CCNB3: variants seen among roughly 807,000 people sequenced by gnomAD.
CCNB3 encodes cyclin B3.
A neutral mutation model predicts 68.0 loss-of-function variants in CCNB3; 12 were observed. The ratio of observed to expected loss-of-function variants is 0.18; its 90% CI spans 0.11 to 0.29. The LOEUF is 0.29. Ranked by LOEUF, CCNB3 falls within the 10% of genes least tolerant of loss-of-function variation. CCNB3 has a pLI of 1.00. For synonymous variants in CCNB3, 354 were observed against 388.9 expected (o/e 0.91, Z 1.06); for missense variants, 904 against 993.1 (o/e 0.91, Z 1.21).
intron 8 of CCNB3, among the ~76,000 whole-genome samples, chrX:50,320,915 T>C (rs58075832): frequency 0.11 from 12,803 of 111,371 alleles, 1,788 homozygotes; most frequent in African/African-American, 0.4. Flanking sequence ...GTCAAACTGA[T>C]GTATTTCTAT....
At chrX:50,314,678 T>G (rs782723775) in intron 8 of CCNB3, among the ~76,000 whole-genome samples, 2 of 111,876 alleles carry the variant, frequency 1.8e-5, no homozygotes, top group East Asian at 5.6e-4. Flanking sequence ...ACACAGTATA[T>G]CTGAGCATCA....
intron 1 of CCNB3, among the ~76,000 whole-genome samples, chrX:50,279,502 T>G (rs1207154052): frequency 3.6e-5 from 3 of 83,434 alleles, no homozygotes; most frequent in Non-Finnish European, 6.5e-5. Flanking sequence ...TAAATATATA[T>G]GAATGTATTT....
In CCNB3 at chrX:50,347,720, A is replaced by G. The variant is rs782089526; in HGVS notation, c.3905A>G (p.Lys1302Arg). The part of the protein sequence containing the change: ...EYHYVQEKAS[K>R]LAAASLLLAL... ...CACTATGTCCAGGAGAAGGCTTCCA[A>G]GCTAGCTGCTGCCTCCTTACTCCTG... Residue 1302 changes from lysine (K) to arginine (R), a missense_variant, in exon 11 of 13, where the codon AAG (lysine) becomes AGG (arginine). Lys to Arg is a conservative substitution (Grantham distance 26). Coordinates refer to ENST00000376042, the MANE Select transcript of CCNB3 (RefSeq NM_033031.3). 5.8e-6 allele frequency: 7 copies of G among 1,208,680 alleles called. No individual in the cohort carries two copies. Among genetic ancestry groups the G allele is most frequent in the Non-Finnish European group, 7.8e-6 (7 of 894,949 alleles).
chrX:50,285,263 A>G lies in CCNB3; in HGVS notation c.96+4A>G. On this transcript the variant is annotated splice_donor_region_variant and intron_variant, in intron 3 of 12. Coordinates refer to ENST00000376042, the MANE Select transcript of CCNB3 (RefSeq NM_033031.3). ...TCATCATGACCCATCTGAAAAGGTT[A>G]GAGCAAGCTGTCTTTCCCAACAATA... 2 of 1,182,123 alleles carry G rather than the reference A, an allele frequency of 1.7e-6. No individual in the cohort carries two copies. Among genetic ancestry groups the G allele is most frequent in the Non-Finnish European group, 1.2e-6 (1 of 868,707 alleles).
At chrX:50,322,071 AAAG>A (rs1207858332) in intron 8 of CCNB3, among the ~76,000 whole-genome samples, 2 of 80,380 alleles carry the variant, frequency 2.5e-5, no homozygotes, top group Admixed American at 1.6e-4. Flanking sequence ...TATGAACTTT[AAAG>A]AAGTTCATAT....
chrX:50,203,481 A>T (rs955388234), upstream of CCNB3, among the ~76,000 whole-genome samples: 3 of 112,207 alleles, frequency 2.7e-5, no homozygotes, highest in African/African-American at 9.7e-5. Context: ...CTGTGGACCA[A>T]TATAATTGGG....
chrX:50,291,912 CT>C (rs1304231937), intron 4 of CCNB3, among the ~76,000 whole-genome samples: 2 of 111,284 alleles, frequency 1.8e-5, no homozygotes, highest in South Asian at 3.8e-4. Flanking sequence ...CAAAGACATA[CT>C]TTTTTTTCTA....
At chrX:50,297,891 C>T (rs62276795) in intron 5 of CCNB3, among the ~76,000 whole-genome samples, 6,673 of 111,142 alleles carry the variant, frequency 0.06, 238 homozygotes, top group Non-Finnish European at 0.093. Flanking sequence ...CTCTTTGAAG[C>T]AATTGTGAAT....
At chrX:50,284,265 T>C in intron 1 of CCNB3, among the ~76,000 whole-genome samples, 1 of 111,468 alleles carries the variant, frequency 9.0e-6, no homozygotes, top group Admixed American at 9.6e-5. Flanking sequence ...TCTGCATAAT[T>C]GGTAAAGTAT....
chrX:50,286,831 A>T (rs1186324338), intron 3 of CCNB3, among the ~76,000 whole-genome samples: 1 of 107,210 alleles, frequency 9.3e-6, no homozygotes, highest in Non-Finnish European at 1.9e-5. Context: ...TGTATTTTTG[A>T]TAGAGACGGG....
At chrX:50,338,155 G>A (rs1922948328) in intron 8 of CCNB3, among the ~76,000 whole-genome samples, 1 of 112,055 alleles carries the variant, frequency 8.9e-6, no homozygotes. Flanking sequence ...CAAGCTGGCT[G>A]GAGTCCCCCA....
chrX:50,332,677 T>C (rs1251662882), intron 8 of CCNB3, among the ~76,000 whole-genome samples: 2 of 111,192 alleles, frequency 1.8e-5, no homozygotes, highest in Non-Finnish European at 3.8e-5. Context: ...GGATTCCTTC[T>C]ACCTTTACAG....
At chrX:50,329,758 A>T (rs1444020784) in intron 8 of CCNB3, among the ~76,000 whole-genome samples, 1 of 112,375 alleles carries the variant, frequency 8.9e-6, no homozygotes, top group Non-Finnish European at 1.9e-5. Context: ...CCCTGAAAAC[A>T]GTATTTTCTT....
intron 4 of CCNB3, among the ~76,000 whole-genome samples, chrX:50,292,786 A>G (rs1225283321): frequency 9.0e-6 from 1 of 110,937 alleles, no homozygotes; most frequent in African/African-American, 3.3e-5. Flanking sequence ...CAATCTCACT[A>G]ACGTGTCCTT....
chrX:50,295,825 C>T (rs1342259392), intron 5 of CCNB3, among the ~76,000 whole-genome samples: 1 of 111,340 alleles, frequency 9.0e-6, no homozygotes, highest in Non-Finnish European at 1.9e-5. Context: ...TTGTTTGATG[C>T]TAGCTTCCAC....
At chrX:50,341,827 A>G (rs781826383) in intron 8 of CCNB3, 15 of 149,063 alleles carry the variant, frequency 1.0e-4, no homozygotes, top group East Asian at 6.3e-4. Context: ...CATATTTCAG[A>G]GCTAAATAAA....
intron 1 of CCNB3, among the ~76,000 whole-genome samples, chrX:50,211,681 G>C (rs1935485457): frequency 9.0e-6 from 1 of 111,373 alleles, no homozygotes; most frequent in African/African-American, 3.3e-5. Context: ...CTCAAGTCAG[G>C]ATGATGAATC....
At position 50,285,486 on chromosome X, in the gene CCNB3, A is replaced by T. The variant is rs760130427; in HGVS notation, c.96+227A>T. Among the ~76,000 whole-genome samples, 6 of 111,378 alleles carry T rather than the reference A, an allele frequency of 5.4e-5. No homozygotes were observed. The South Asian group carries it at 1.5e-3, about 29-fold the overall frequency. On this transcript the variant is annotated intron_variant, in intron 3 of 12. Transcript: ENST00000376042. ...AGGGCTCAAATGAAGGCCACCCTCC[A>T]TAACCCTCAAAACTGAACAACACTC...
In CCNB3 at chrX:50,311,381, C is replaced by T. The variant is rs1921444225; in HGVS notation, c.3212C>T (p.Ser1071Phe). ...STTPESITEKSSIATMTSVGK... is the reference protein window; with the variant it reads ...STTPESITEKFSIATMTSVGK... ...ACCCCTGAATCCATAACAGAGAAGT[C>T]CAGCATTGCAACCATGACCAGCGTG... The change falls in exon 6 of 13, where the codon TCC becomes TTC. Residue 1071 changes from serine (S) to phenylalanine (F), a missense_variant. By Grantham distance (155) the Ser-to-Phe change is radical (BLOSUM62 -2). This residue lies in a region of CCNB3 where 285 missense variants were observed against 383.4 expected (regional missense o/e 0.74). Transcript: ENST00000376042. 8.3e-7 allele frequency: 1 copy of T among 1,208,662 alleles called. No individual in the cohort carries two copies. Among genetic ancestry groups the T allele is most frequent in the Admixed American group, 2.2e-5 (1 of 45,656 alleles).
Sources: gnomAD v4.1 joint callset for allele counts (sites outside exome capture counted in the v4.1 genomes callset) on GRCh38, gnomAD v4.1.1 for gene constraint, gnomAD v4.1.1 regional missense constraint, MANE v1.5 for transcripts, NCBI Gene and HGNC (gene_info 2026-07-23, HGNC 2026-07-21) for gene names.